The following STRN variants were observed in gnomAD, a reference collection of about 807,000 sequenced individuals.
STRN encodes striatin.
A neutral mutation model predicts 96.3 loss-of-function variants in STRN; 53 were observed. The ratio of observed to expected loss-of-function variants is 0.55; its 90% CI spans 0.44 to 0.69. The LOEUF (loss-of-function observed/expected upper bound fraction) is 0.69, where lower values mean the gene tolerates loss of function less well. Ranked by LOEUF, STRN falls within the 30% of genes least tolerant of loss-of-function variation. STRN has a pLI of 0.00. For missense variants in STRN, 987 were observed against 963.9 expected (o/e 1.02, Z -0.32); for synonymous variants, 428 against 355.9 (o/e 1.20, Z -2.28).
chr2:36,916,643 C>CA (rs1322540272), intron 2 of STRN, among the ~76,000 whole-genome samples: 1 of 152,034 alleles, frequency 6.6e-6, no homozygotes, highest in Non-Finnish European at 1.5e-5. Flanking sequence ...TTATACTGCA[C>CA]AATCCAAGGG....
chr2:36,947,144 C>T (rs1169329309), intron 1 of STRN, among the ~76,000 whole-genome samples: 6 of 152,134 alleles, frequency 3.9e-5, no homozygotes, highest in African/African-American at 1.4e-4. Flanking sequence ...GATCTGCCTG[C>T]CTCGGCCTCC....
rs1001643091 is a variant in STRN at position 36,869,781 on chromosome 2, A to G, written c.1324-52T>C. On this transcript the variant is annotated intron_variant, in intron 10 of 17. Transcript: ENST00000263918. Reference sequence around the variant, plus strand: ...CTACACACTTAGTTAAGGATAGGGGAAAAAACTTGCATTTCAACATTAATT... The same window carrying G: ...CTACACACTTAGTTAAGGATAGGGGGAAAAACTTGCATTTCAACATTAATT... 4.4e-6 allele frequency: 6 copies of G among 1,369,494 alleles called. No homozygotes were observed. The African/African-American group carries it at 4.5e-5, about 10-fold the overall frequency. 84.8% of individuals were successfully genotyped at this position (1,369,494 alleles called of 1,614,324 possible). A position where few individuals can be genotyped will look rare whatever the true frequency, so the allele number is the denominator to read the frequency against.
chr2:36,901,197 G>C (rs1407252299), intron 5 of STRN, among the ~76,000 whole-genome samples: 3 of 152,122 alleles, frequency 2.0e-5, no homozygotes, highest in African/African-American at 7.2e-5. Context: ...ACACACAAGA[G>C]TGGTCTTCCC....
intron 10 of STRN, among the ~76,000 whole-genome samples, chr2:36,869,961 A>G (rs1668722385): frequency 6.6e-6 from 1 of 152,198 alleles, no homozygotes. Flanking sequence ...CAATTAACAT[A>G]ATTCAATATA....
rs1665161085 is a variant in STRN at position 36,966,307 on chromosome 2, G to A, written c.157C>T (p.Leu53=). The stretch of plus-strand genomic sequence containing the variant: ...GCCCACTCGTGCTGCAGGAAGTGCA[G>A]GATCCCCGGGAGACTGTACTGGGCT... ...ARAQYSLPGI[L]HFLQHEWARF... Residue 53 remains leucine, a synonymous_variant, in exon 1 of 18, where the codon CTG becomes TTG. Transcript: ENST00000263918. The A allele has an allele frequency of 6.4e-7, 1 of 1,570,408 alleles. No homozygotes were observed. The highest frequency in any genetic ancestry group is 1.2e-5 in the South Asian group (1 of 86,726).
At chr2:36,909,832 G>A (rs565580654) in intron 3 of STRN, among the ~76,000 whole-genome samples, 16 of 152,194 alleles carry the variant, frequency 1.1e-4, no homozygotes, top group African/African-American at 3.6e-4. Flanking sequence ...ACAAAAATAA[G>A]GGCAACAGGA....
At position 36,886,722 on chromosome 2, in the gene STRN, C is replaced by A; in HGVS notation, c.1036G>T (p.Val346Leu). Residue 346 changes from valine (V) to leucine (L), a missense_variant, in exon 8 of 18, where the codon GTG (valine) becomes TTG (leucine). Transcript: ENST00000263918. ...YKKERKGKKG[V>L]KRPNRSKLQD... ...TACAATGTTTTCCACTTACTCTTCA[C>A]CCCCTTTTTCCCCTTTCTCTCCTTT... 6.2e-7 allele frequency: 1 copy of A among 1,607,552 alleles called. No homozygotes were observed. Among genetic ancestry groups the A allele is most frequent in the Non-Finnish European group, 8.5e-7 (1 of 1,176,316 alleles).
Position 36,840,536 on chromosome 2 carries a change from A to G in STRN, c.*8920T>C, listed in dbSNP as rs1175698219. ...ATGCATTTGAGCATCAACTGTCAAGAGATTTTTTTTTTTTTTTTTTGGTCT... is the reference window on the plus strand; with the variant it reads ...ATGCATTTGAGCATCAACTGTCAAGGGATTTTTTTTTTTTTTTTTTGGTCT... On this transcript the variant is annotated 3_prime_UTR_variant, in exon 18 of 18. Coordinates refer to ENST00000263918, the MANE Select transcript of STRN (RefSeq NM_003162.4). The G allele has an allele frequency of 1.6e-5, 1 of 61,532 alleles. No individual in the cohort carries two copies. Among genetic ancestry groups the G allele is most frequent in the African/African-American group, 3.9e-5 (1 of 25,610 alleles). The allele number at this position is 61,532 out of a possible 1,614,324, so 3.8% of individuals were successfully genotyped here.
intron 1 of STRN, 97 bp downstream of exon 1, chr2:36,966,133 G>T: frequency 7.8e-7 from 1 of 1,289,566 alleles, no homozygotes. Context: ...AGGGGGAGGG[G>T]ACGCGAGAAG....
chr2:36,907,452 G>A (rs1257196823), intron 3 of STRN, among the ~76,000 whole-genome samples: 1 of 152,098 alleles, frequency 6.6e-6, no homozygotes, highest in Non-Finnish European at 1.5e-5. Flanking sequence ...GGAGGCTGAG[G>A]CAGAAGAATC....
intron 1 of STRN, among the ~76,000 whole-genome samples, chr2:36,938,037 A>G (rs1250424193): frequency 6.6e-6 from 1 of 152,250 alleles, no homozygotes; most frequent in Non-Finnish European, 1.5e-5. Context: ...AGAATCTAAA[A>G]AGTGTACTTT....
intron 8 of STRN, among the ~76,000 whole-genome samples, chr2:36,884,695 A>G (rs1669165285): frequency 6.6e-6 from 1 of 152,156 alleles, no homozygotes; most frequent in Non-Finnish European, 1.5e-5. Flanking sequence ...AACTATTTTT[A>G]AGCAATTTTT....
intron 3 of STRN, among the ~76,000 whole-genome samples, chr2:36,915,691 C>T (rs572044363): frequency 1.3e-5 from 2 of 152,162 alleles, no homozygotes; most frequent in African/African-American, 4.8e-5. Flanking sequence ...AAGAAGAAAT[C>T]TCTTACCTCC....
intron 1 of STRN, among the ~76,000 whole-genome samples, chr2:36,933,618 G>A (rs1472282793): frequency 6.6e-6 from 1 of 152,122 alleles, no homozygotes; most frequent in East Asian, 1.9e-4. Flanking sequence ...CTAACACCAA[G>A]CATTTGTTTT....
At chr2:36,926,338 T>G (rs1670410473) in intron 1 of STRN, among the ~76,000 whole-genome samples, 1 of 152,186 alleles carries the variant, frequency 6.6e-6, no homozygotes, top group Admixed American at 6.5e-5. Flanking sequence ...TTAAAAGTCA[T>G]AAGGGCCTCA....
intron 1 of STRN, among the ~76,000 whole-genome samples, chr2:36,945,619 C>T (rs1052139762): frequency 2.0e-5 from 3 of 151,696 alleles, no homozygotes; most frequent in Non-Finnish European, 4.4e-5. Flanking sequence ...GAGCCAAGAT[C>T]GCAACACTGC....
In STRN at chr2:36,842,921, G is replaced by A. The variant is rs1667984749; in HGVS notation, c.*6535C>T. ...AAAAGGTATGCTTGACTCCCAAGGTGTTCTGGGAATATTTTATGTGCCAGG... is the reference window on the plus strand; with the variant it reads ...AAAAGGTATGCTTGACTCCCAAGGTATTCTGGGAATATTTTATGTGCCAGG... On this transcript the variant is annotated 3_prime_UTR_variant, in exon 18 of 18. Coordinates refer to ENST00000263918, the MANE Select transcript of STRN (RefSeq NM_003162.4). 6.6e-6 allele frequency among the ~76,000 whole-genome samples: 1 copy of A among 152,222 alleles called. No homozygotes were observed. Among genetic ancestry groups the A allele is most frequent in the Non-Finnish European group, 1.5e-5 (1 of 68,006 alleles).
chr2:36,937,688 A>G (rs1248514265), intron 1 of STRN, among the ~76,000 whole-genome samples: 1 of 151,634 alleles, frequency 6.6e-6, no homozygotes, highest in Non-Finnish European at 1.5e-5. Context: ...AAGAAAGAAA[A>G]GAAAAAAAAA....
At chr2:36,870,538 A>T (rs180712027) in intron 10 of STRN, among the ~76,000 whole-genome samples, 2 of 152,194 alleles carry the variant, frequency 1.3e-5, no homozygotes, top group Admixed American at 1.3e-4. Flanking sequence ...TGAAGCTGAA[A>T]AATTCCTATA....
Sources: allele counts gnomAD v4.1 joint callset (sites outside exome capture counted in the v4.1 genomes callset), GRCh38; gene constraint gnomAD v4.1.1; transcripts MANE v1.5; gene names NCBI Gene and HGNC (gene_info 2026-07-23, HGNC 2026-07-21).